HDAC9: variants seen among roughly 807,000 people sequenced by gnomAD.
The protein encoded by HDAC9 is MEF-2 interacting transcription repressor (MITR) protein.
A neutral mutation model predicts 139.4 loss-of-function variants in HDAC9; 41 were observed. The ratio of observed to expected loss-of-function variants is 0.29; its 90% confidence interval spans 0.23 to 0.38. HDAC9 has a LOEUF of 0.38. Ranked by LOEUF, HDAC9 falls within the 10% of genes least tolerant of loss-of-function variation. The probability of loss-of-function intolerance (pLI) is 1.00; values close to 1 mark genes in which losing one functional copy is unlikely to be tolerated. For synonymous variants in HDAC9, 517 were observed against 476.2 expected (o/e 1.09, Z -1.12); for missense variants, 1,147 against 1,297.0 (o/e 0.88, Z 1.78).
intron 14 of HDAC9, among the ~76,000 whole-genome samples, chr7:18,758,630 G>A (rs925412277): frequency 1.2e-4 from 18 of 152,144 alleles, no homozygotes; most frequent in Non-Finnish European, 1.6e-4. Flanking sequence ...GAGGCAAAAC[G>A]GAATTACTCC....
At chr7:18,740,673 C>T (rs1787367198) in intron 13 of HDAC9, among the ~76,000 whole-genome samples, 2 of 152,158 alleles carry the variant, frequency 1.3e-5, no homozygotes, top group South Asian at 2.1e-4. Flanking sequence ...GGAAGAGTCA[C>T]ATGTCTCCCA....
chr7:18,932,647 T>G (rs1024620161), intron 22 of HDAC9, among the ~76,000 whole-genome samples: 1 of 151,728 alleles, frequency 6.6e-6, no homozygotes, highest in Non-Finnish European at 1.5e-5. Context: ...GAATGACAAA[T>G]GGCCAACACT....
At chr7:18,190,885 T>C (rs1431125575) in intron 2 of HDAC9, among the ~76,000 whole-genome samples, 2 of 152,208 alleles carry the variant, frequency 1.3e-5, no homozygotes, top group East Asian at 3.8e-4. Flanking sequence ...AACTCCTACC[T>C]TTGTAAAACA....
At chr7:18,790,643 T>C (rs1317622823) in intron 16 of HDAC9, among the ~76,000 whole-genome samples, 1 of 152,208 alleles carries the variant, frequency 6.6e-6, no homozygotes, top group South Asian at 2.1e-4. Context: ...ATGAACAGAT[T>C]ATATCCACAA....
chr7:18,767,441 G>A (rs79019965), intron 16 of HDAC9, among the ~76,000 whole-genome samples: 11,526 of 152,182 alleles, frequency 0.076, 680 homozygotes, highest in East Asian at 0.23. Context: ...CACTCATGAA[G>A]CCAGCTTTGC....
chr7:18,190,858 C>A (rs1790301402), intron 2 of HDAC9, among the ~76,000 whole-genome samples: 1 of 152,074 alleles, frequency 6.6e-6, no homozygotes, highest in African/African-American at 2.4e-5. Context: ...AAATATTATG[C>A]ATGTTTTACC....
intron 12 of HDAC9, among the ~76,000 whole-genome samples, chr7:18,712,151 C>T (rs193220030): frequency 6.6e-6 from 1 of 152,236 alleles, no homozygotes; most frequent in Admixed American, 6.5e-5. Context: ...TTAAGTCTTC[C>T]TTAAATTTAA....
rs1350034997 is a variant in HDAC9 at position 18,873,643 on chromosome 7, C to A, written c.2685-835C>A. On this transcript the variant is annotated intron_variant, in intron 21 of 25. Transcript: ENST00000686413. ...GAGTGATTGTACTACTTTTTAAATT[C>A]ATTATAGTGTGCAGTTTCCCCATCT... Among the ~76,000 whole-genome samples the A allele has an allele frequency of 2.0e-5, 3 of 152,082 alleles. 1 individual carries two copies. In the East Asian group the frequency reaches 5.8e-4, roughly 29 times the overall value.
chr7:18,781,522 T>A (rs1298247592), intron 16 of HDAC9, among the ~76,000 whole-genome samples: 1 of 152,080 alleles, frequency 6.6e-6, no homozygotes, highest in Non-Finnish European at 1.5e-5. Context: ...CACTATGCTG[T>A]TCTTTAAATA....
intron 2 of HDAC9, among the ~76,000 whole-genome samples, chr7:18,521,659 A>T (rs117787298): frequency 2.6e-5 from 4 of 152,274 alleles, no homozygotes; most frequent in Non-Finnish European, 4.4e-5. Flanking sequence ...TTCAATTCAG[A>T]TTATGTTTGA....
At chr7:18,262,028 A>C (rs918719036) in intron 2 of HDAC9, among the ~76,000 whole-genome samples, 3 of 152,202 alleles carry the variant, frequency 2.0e-5, no homozygotes, top group Admixed American at 2.0e-4. Flanking sequence ...TACACCTCTT[A>C]CTCAGGTATT....
chr7:18,801,996 C>A (rs1793336345), intron 17 of HDAC9, among the ~76,000 whole-genome samples: 1 of 151,770 alleles, frequency 6.6e-6, no homozygotes, highest in Non-Finnish European at 1.5e-5. Flanking sequence ...TTCTCTAATT[C>A]CTGTAGAGCA....
chr7:18,694,726 C>T (rs558616407), intron 12 of HDAC9, among the ~76,000 whole-genome samples: 1 of 151,980 alleles, frequency 6.6e-6, no homozygotes, highest in South Asian at 2.1e-4. Flanking sequence ...GTGTATCTGC[C>T]CTGATTGACT....
At chr7:18,470,886 A>C (rs1794673680) in intron 1 of HDAC9, among the ~76,000 whole-genome samples, 1 of 152,024 alleles carries the variant, frequency 6.6e-6, no homozygotes, top group African/African-American at 2.4e-5. Context: ...TAATATTATT[A>C]TTATTACTTA....
intron 13 of HDAC9, among the ~76,000 whole-genome samples, chr7:18,734,297 G>A (rs1265781957): frequency 2.6e-5 from 4 of 152,110 alleles, no homozygotes; most frequent in African/African-American, 7.2e-5. Flanking sequence ...TGATACATAG[G>A]TACACATGTG....
At position 18,625,437 on chromosome 7, in the gene HDAC9, T is replaced by C. The variant is rs73683035; in HGVS notation, c.665-3913T>C. On this transcript the variant is annotated intron_variant, in intron 6 of 25. Transcript: ENST00000686413. ...TAACATTTGGGTAAAGATAATACTT[T>C]GTCATGGGATGCTGTCCTGTGCTTT... is the stretch of plus-strand genomic sequence containing the variant. 5.9e-3 allele frequency among the ~76,000 whole-genome samples: 903 copies of C among 152,256 alleles called. 7 individuals are homozygous for C. The highest frequency in any genetic ancestry group is 0.021 in the African/African-American group (860 of 41,540).
intron 17 of HDAC9, among the ~76,000 whole-genome samples, chr7:18,798,052 C>T (rs569773923): frequency 2.0e-4 from 30 of 151,672 alleles, no homozygotes; most frequent in African/African-American, 7.0e-4. Flanking sequence ...TATTTTTATT[C>T]TTCTGCAAGA....
chr7:18,639,352 A>T (rs969599431), intron 8 of HDAC9, among the ~76,000 whole-genome samples: 1 of 152,082 alleles, frequency 6.6e-6, no homozygotes, highest in Non-Finnish European at 1.5e-5. Context: ...ATGACAAAAT[A>T]ATCATTTACT....
intron 2 of HDAC9, among the ~76,000 whole-genome samples, chr7:18,190,568 G>T (rs1000431317): frequency 6.6e-6 from 1 of 152,104 alleles, no homozygotes; most frequent in Admixed American, 6.6e-5. Flanking sequence ...AAGATAAAAG[G>T]CATTAACTGT....
Sources: gnomAD v4.1 joint callset for allele counts (sites outside exome capture counted in the v4.1 genomes callset) on GRCh38, gnomAD v4.1.1 for gene constraint, MANE v1.5 for transcripts, NCBI Gene and HGNC (gene_info 2026-07-23, HGNC 2026-07-21) for gene names.